Variants in SYT9 observed in about 807,000 individuals in gnomAD.
The protein encoded by SYT9 is synaptotagmin 9.
Under a neutral mutation model 48.4 loss-of-function variants are expected in SYT9, and 22 were observed. That is an observed-to-expected ratio of 0.45 (90% CI 0.32 to 0.65). The LOEUF is 0.65. SYT9 is among the 30% of genes least tolerant of loss of function. The pLI is 0.03. For synonymous variants in SYT9, 265 were observed against 245.0 expected, an observed-to-expected ratio of 1.08 and a Z score of -0.76; for missense variants, 577 against 622.0, an observed-to-expected ratio of 0.93 and a Z score of 0.77.
At chr11:7,318,471 G>A (rs775624537) in intron 3 of SYT9, among the ~76,000 whole-genome samples, 7 of 151,958 alleles carry the variant, frequency 4.6e-5, no homozygotes, top group South Asian at 2.1e-4. Context: ...CCACTACCAC[G>A]TCTGGCTAAT....
rs4357669 is a variant in SYT9, at chr11:7,423,415, G to A, written c.1467+2780G>A. 6.7e-3 allele frequency among the ~76,000 whole-genome samples: 1,024 copies of A among 152,302 alleles called. 14 individuals carry two copies. The highest frequency in any genetic ancestry group is 0.023 in the African/African-American group (969 of 41,558). ...ACTGGCCAGAAACATTCACTTTGGAGTTGGAAGGACCTATATTCGAATTGC... is the reference window on the plus strand; with the variant it reads ...ACTGGCCAGAAACATTCACTTTGGAATTGGAAGGACCTATATTCGAATTGC... On this transcript the variant is annotated intron_variant, in intron 6 of 6. Coordinates refer to ENST00000318881, the MANE Select transcript of SYT9 (RefSeq NM_175733.4).
At position 7,317,593 on chromosome 11, in the gene SYT9, C is replaced by A. The variant is rs1002408370; in HGVS notation, c.1044+3652C>A. ...AAACCTGATTACCTCCCAAAAGCTT[C>A]ATTTCCAAATACTGTCACAATCACA... On this transcript the variant is annotated intron_variant, in intron 3 of 6. Coordinates refer to ENST00000318881, the MANE Select transcript of SYT9 (RefSeq NM_175733.4). Among the ~76,000 whole-genome samples the A allele has an allele frequency of 2.6e-5, 4 of 152,188 alleles. No homozygotes were observed. The East Asian group carries it at 5.8e-4, about 22-fold the overall frequency.
intron 6 of SYT9, among the ~76,000 whole-genome samples, chr11:7,422,718 G>C (rs1336498808): frequency 6.6e-6 from 1 of 152,136 alleles, no homozygotes; most frequent in Admixed American, 6.5e-5. Flanking sequence ...TGAGAGGTGA[G>C]CCCTGATTCA....
chr11:7,453,570 A>G lies in SYT9; in HGVS notation c.1468-13222A>G, dbSNP rs550571442. The stretch of plus-strand genomic sequence containing the variant: ...CAAATTGCATACAGTTGAACAGAAA[A>G]TAGGTCATCACAAGCTGGACGATGC... On this transcript the variant is annotated intron_variant, in intron 6 of 6. Transcript: ENST00000318881. Among the ~76,000 whole-genome samples, 88 of 152,328 alleles carry G rather than the reference A, an allele frequency of 5.8e-4. 1 individual carries two copies. The highest frequency in any genetic ancestry group is 7.5e-4 in the Non-Finnish European group (51 of 68,034).
chr11:7,294,266 CT>C (rs1325593053), intron 1 of SYT9, among the ~76,000 whole-genome samples: 13 of 152,190 alleles, frequency 8.5e-5, no homozygotes, highest in African/African-American at 3.1e-4. Flanking sequence ...AGCATTAAAT[CT>C]ATATCATTCC....
intron 6 of SYT9, chr11:7,435,418 T>C (rs1481589404): frequency 6.6e-6 from 1 of 152,254 alleles, no homozygotes; most frequent in South Asian, 2.1e-4. Context: ...AAAGCCCCCA[T>C]GCACAGATGT....
chr11:7,308,486 C>T (rs1435801810), intron 2 of SYT9, among the ~76,000 whole-genome samples: 1 of 152,150 alleles, frequency 6.6e-6, no homozygotes, highest in Non-Finnish European at 1.5e-5. Flanking sequence ...ATGAGGGACT[C>T]TAGAAAAAGC....
chr11:7,430,217 AT>A (rs1226015733), intron 6 of SYT9, among the ~76,000 whole-genome samples: 1 of 152,084 alleles, frequency 6.6e-6, no homozygotes, highest in Non-Finnish European at 1.5e-5. Flanking sequence ...AGAATTACAT[AT>A]TTTTTTCGCA....
intron 6 of SYT9, among the ~76,000 whole-genome samples, chr11:7,426,510 G>A (rs1273225153): frequency 6.6e-6 from 1 of 152,102 alleles, no homozygotes; most frequent in African/African-American, 2.4e-5. Flanking sequence ...TCAGGCATTT[G>A]GGCACACAAG....
intron 1 of SYT9, among the ~76,000 whole-genome samples, chr11:7,240,704 T>C (rs902419168): frequency 2.8e-4 from 43 of 152,348 alleles, no homozygotes; most frequent in Non-Finnish European, 5.4e-4. Context: ...CTTTTTTATA[T>C]CTTAAAAATT....
In SYT9 at chr11:7,418,005, A is replaced by C; in HGVS notation, c.1214A>C (p.Lys405Thr). 6.2e-7 allele frequency: 1 copy of C among 1,614,218 alleles called. No homozygotes were observed. Among genetic ancestry groups the C allele is most frequent in the Non-Finnish European group, 8.5e-7 (1 of 1,180,030 alleles). The change falls in exon 5 of 7, where the codon AAG (lysine) becomes ACG (threonine). Residue 405 changes from lysine (K) to threonine (T), a missense_variant. By Grantham distance (78) the Lys-to-Thr change is moderately conservative (BLOSUM62 -1). Transcript: ENST00000318881. ...ATGTGTGATGGCAGACGACTGAAGA[A>C]GAGGAAAACATCCACCAAGAGGAAC... ...SLMCDGRRLK[K>T]RKTSTKRNTL...
At position 7,384,696 on chromosome 11, in the gene SYT9, G is replaced by A. The variant is rs886069568; in HGVS notation, c.1045-31346G>A. ...GTAATAGTGCTACTTGAGCTGTGTT[G>A]TGCTACTTTTCTACTTCAATCTTTG... On this transcript the variant is annotated intron_variant, in intron 3 of 6. Transcript: ENST00000318881. Among the ~76,000 whole-genome samples, 9 of 152,268 alleles carry A rather than the reference G, an allele frequency of 5.9e-5. No homozygotes were observed. In the East Asian group the frequency reaches 1.4e-3, roughly 23 times the overall value.
intron 6 of SYT9, among the ~76,000 whole-genome samples, chr11:7,424,085 G>T (rs1847406495): frequency 6.6e-6 from 1 of 152,132 alleles, no homozygotes; most frequent in African/African-American, 2.4e-5. Context: ...CTGAGGAATT[G>T]GTTAGGTCTA....
chr11:7,431,042 G>A (rs1430949158), intron 6 of SYT9, among the ~76,000 whole-genome samples: 1 of 152,170 alleles, frequency 6.6e-6, no homozygotes, highest in Non-Finnish European at 1.5e-5. Context: ...GAGTTTGGAG[G>A]GCTTACAAGA....
At chr11:7,391,686 A>G (rs924764355) in intron 3 of SYT9, among the ~76,000 whole-genome samples, 4 of 138,838 alleles carry the variant, frequency 2.9e-5, no homozygotes, top group African/African-American at 1.1e-4. Context: ...AGGTGACTTG[A>G]GCCCAGGAGT....
At chr11:7,441,989 C>T (rs933730736) in intron 6 of SYT9, among the ~76,000 whole-genome samples, 4 of 152,104 alleles carry the variant, frequency 2.6e-5, no homozygotes, top group Admixed American at 6.5e-5. Flanking sequence ...CTCTGCACTC[C>T]ATTATCCACC....
At chr11:7,282,924 A>G (rs1332469146) in intron 1 of SYT9, among the ~76,000 whole-genome samples, 5 of 150,100 alleles carry the variant, frequency 3.3e-5, no homozygotes, top group Admixed American at 6.6e-5. Flanking sequence ...ACACACACAC[A>G]CGCACACACA....
chr11:7,250,537 G>C (rs1017476253), upstream of SYT9, among the ~76,000 whole-genome samples: 6 of 141,724 alleles, frequency 4.2e-5, no homozygotes, highest in Admixed American at 7.8e-5. Context: ...CCCCTTTGAA[G>C]AAACAGCATC....
At chr11:7,343,606 C>T (rs996018178) in intron 3 of SYT9, among the ~76,000 whole-genome samples, 2 of 152,216 alleles carry the variant, frequency 1.3e-5, no homozygotes, top group Admixed American at 1.3e-4. Context: ...CCAACTTTCC[C>T]ACATTTTCCT....
Sources: gnomAD v4.1 joint callset for allele counts (sites outside exome capture counted in the v4.1 genomes callset) on GRCh38, gnomAD v4.1.1 for gene constraint, MANE v1.5 for transcripts, NCBI Gene and HGNC (gene_info 2026-07-23, HGNC 2026-07-21) for gene names.